Variants in EIF4G3 observed in about 807,000 individuals in gnomAD.
The protein encoded by EIF4G3 is eIF-4-gamma 3.
Under a neutral mutation model 186.4 loss-of-function variants are expected in EIF4G3, and 34 were observed. That is an observed-to-expected ratio of 0.18 (90% CI 0.14 to 0.24). The LOEUF (loss-of-function observed/expected upper bound fraction) is 0.24. Among genes scored for constraint, EIF4G3 ranks in the 10% least tolerant of loss-of-function variants. The probability of loss-of-function intolerance (pLI) is 1.00; values close to 1 mark genes in which losing one functional copy is unlikely to be tolerated. For synonymous variants in EIF4G3, 673 were observed against 679.5 expected (o/e 0.99, Z 0.15); for missense variants, 1,536 against 1,948.5 (o/e 0.79, Z 3.99).
At chr1:20,885,515 T>A (rs752320508) in intron 19 of EIF4G3, among the ~76,000 whole-genome samples, 33 of 152,184 alleles carry the variant, frequency 2.2e-4, no homozygotes, top group Non-Finnish European at 4.4e-4. Context: ...AAAGTTAGTA[T>A]GTGATCTGTG....
At position 20,941,660 on chromosome 1, in the gene EIF4G3, C is replaced by T. The variant is rs766510132; in HGVS notation, c.1494G>A (p.Pro498=). The change falls in exon 14 of 37, where the codon CCG becomes CCA. Residue 498 remains proline (P), a synonymous_variant. Coordinates refer to ENST00000602326, the MANE Select transcript of EIF4G3 (RefSeq NM_001391906.1). ...CTCTCTGGACTGTGATGGCAGCACT[C>T]GGAGAACTAACAGTAGTGGCAGCAG... ...VPAAATTVSS[P]SAAITVQRVL... is the part of the protein sequence containing the mutation. 22 of 1,613,718 alleles carry T rather than the reference C, an allele frequency of 1.4e-5. No homozygotes were observed. The African/African-American group carries it at 1.5e-4, about 11-fold the overall frequency.
In EIF4G3 at chr1:20,973,082, T is replaced by A; in HGVS notation, c.511A>T (p.Ser171Cys). 6.2e-7 allele frequency: 1 copy of A among 1,610,146 alleles called. No individual in the cohort carries two copies. Among genetic ancestry groups the A allele is most frequent in the Non-Finnish European group, 8.5e-7 (1 of 1,179,000 alleles). The change falls in exon 11 of 37, where the codon AGT becomes TGT. Residue 171 changes from serine (S) to cysteine (C), a missense_variant. Around this residue, in one of 11 missense-constraint regions of EIF4G3, gnomAD observed 194 missense variants for 212.8 expected, o/e 0.91. Transcript: ENST00000602326. Reference protein sequence around the residue: ...PNAYGTPFYPSQPVYQSAPII... With the variant: ...PNAYGTPFYPCQPVYQSAPII... ...GGTGCTGACTGATACACCGGCTGAC[T>A]TGGGTAAAAAGGCGTTCCTAAAAAG...
chr1:20,938,706 T>TA (rs1386446495), intron 14 of EIF4G3, among the ~76,000 whole-genome samples: 1 of 152,224 alleles, frequency 6.6e-6, no homozygotes, highest in African/African-American at 2.4e-5. Flanking sequence ...TGGATATACT[T>TA]AAAGACTGGA....
chr1:21,167,872 A>G (rs899376860), intron 2 of EIF4G3: 5 of 279,104 alleles, frequency 1.8e-5, no homozygotes, highest in Non-Finnish European at 3.0e-5. Flanking sequence ...ATTGTATGGG[A>G]AAAAAACTTG....
intron 29 of EIF4G3, among the ~76,000 whole-genome samples, chr1:20,847,454 T>C (rs1193579573): frequency 6.6e-6 from 1 of 152,152 alleles, no homozygotes; most frequent in African/African-American, 2.4e-5. Flanking sequence ...GTTACTAAGG[T>C]CTTTTACTCC....
intron 3 of EIF4G3, among the ~76,000 whole-genome samples, chr1:21,066,938 C>T (rs1284300766): frequency 2.0e-5 from 3 of 152,076 alleles, no homozygotes; most frequent in African/African-American, 4.8e-5. Flanking sequence ...TCCCACAGTT[C>T]AAAGAAACAC....
At chr1:21,168,976 G>A (rs1034330998) in intron 2 of EIF4G3, among the ~76,000 whole-genome samples, 2 of 152,004 alleles carry the variant, frequency 1.3e-5, no homozygotes, top group African/African-American at 4.8e-5. Flanking sequence ...CCAAGAGTTC[G>A]AGACCAGCCT....
In EIF4G3 at chr1:20,949,955, T is replaced by TA. The variant is rs764732511; in HGVS notation, c.823+47dup. 16 of 1,486,806 alleles carry TA rather than the reference T, an allele frequency of 1.1e-5. No individual in the cohort carries two copies. In the African/African-American group the frequency reaches 1.8e-4, roughly 17 times the overall value. 92.1% of individuals were successfully genotyped at this position (1,486,806 alleles called of 1,614,324 possible). A position where few individuals can be genotyped will look rare whatever the true frequency, so the allele number is the denominator to read the frequency against. On this transcript the variant is annotated intron_variant, in intron 13 of 36. Transcript: ENST00000602326. Reference sequence around the variant, plus strand: ...TGAATGCTGACGGCAATGTAATTAATAAAAAAGAGACTAAAGATAAGAGGG... The same window carrying TA: ...TGAATGCTGACGGCAATGTAATTAATAAAAAAAGAGACTAAAGATAAGAGGG...
rs150287963 is a variant in EIF4G3 at position 21,147,034 on chromosome 1, G to A, written c.-272+29141C>T. Among the ~76,000 whole-genome samples, 921 of 151,962 alleles carry A rather than the reference G, an allele frequency of 6.1e-3. 13 individuals are homozygous for A. The highest frequency in any genetic ancestry group is 0.024 in the East Asian group (123 of 5,098). On this transcript the variant is annotated intron_variant, in intron 2 of 36. Transcript: ENST00000602326. Reference sequence around the variant, plus strand: ...CCCCAGCACTTTGGGAGGCTGAGGCGGGCAGATCACGAGGTCAGGAGTTCA... The same window carrying A: ...CCCCAGCACTTTGGGAGGCTGAGGCAGGCAGATCACGAGGTCAGGAGTTCA...
In EIF4G3 at chr1:20,840,991, C is replaced by T; in HGVS notation, c.3926G>A (p.Gly1309Asp). 6.2e-7 allele frequency: 1 copy of T among 1,614,128 alleles called. No individual in the cohort carries two copies. Residue 1309 changes from glycine to aspartate, a missense_variant, in exon 30 of 37, where the codon GGC becomes GAC. This residue lies in a region of EIF4G3 where 395 missense variants were observed against 498.9 expected (regional missense o/e 0.79). Coordinates refer to ENST00000602326, the MANE Select transcript of EIF4G3 (RefSeq NM_001391906.1). Reference protein sequence around the residue: ...MQCVEELNAQGLLHVFVRVGV... With the variant: ...MQCVEELNAQDLLHVFVRVGV... ...CACTCTCACAAAAACATGTAGTAGG[C>T]CCTGGGCATTCAGCTCTTCCACACA... is the stretch of plus-strand genomic sequence containing the variant.
At chr1:20,827,749 C>A in intron 31 of EIF4G3, 51 bp from the exon 32 acceptor site, 1 of 1,304,348 alleles carries the variant, frequency 7.7e-7, no homozygotes, top group Non-Finnish European at 1.1e-6. Context: ...ATCCTTTCTT[C>A]TAGAACAAGA....
chr1:21,129,175 C>T (rs1193491341), intron 2 of EIF4G3, among the ~76,000 whole-genome samples: 3 of 151,788 alleles, frequency 2.0e-5, no homozygotes, highest in Admixed American at 2.0e-4. Flanking sequence ...ATTAGCCAGG[C>T]GTGGTGGCGG....
At chr1:20,821,319 T>C (rs911988145) in intron 33 of EIF4G3, among the ~76,000 whole-genome samples, 10 of 152,230 alleles carry the variant, frequency 6.6e-5, no homozygotes, top group African/African-American at 2.2e-4. Context: ...AGAAATGGTG[T>C]GATGCCAGTT....
At chr1:21,138,705 G>A (rs1292278349) in intron 2 of EIF4G3, among the ~76,000 whole-genome samples, 1 of 152,048 alleles carries the variant, frequency 6.6e-6, no homozygotes, top group Non-Finnish European at 1.5e-5. Flanking sequence ...CAGCTACTCA[G>A]GTGGCTGAGG....
At chr1:21,024,845 C>G (rs917331944) in intron 4 of EIF4G3, among the ~76,000 whole-genome samples, 6 of 149,314 alleles carry the variant, frequency 4.0e-5, no homozygotes, top group Admixed American at 1.3e-4. Context: ...TCCCATGACC[C>G]TGCCAAATCC....
intron 14 of EIF4G3, among the ~76,000 whole-genome samples, chr1:20,920,547 T>C (rs2094407768): frequency 6.6e-6 from 1 of 152,176 alleles, no homozygotes; most frequent in Non-Finnish European, 1.5e-5. Flanking sequence ...TGATTCCTAC[T>C]GCCAAGAACA....
At chr1:20,865,348 T>C in intron 20 of EIF4G3, 86 bp from the exon 21 acceptor site, 2 of 1,462,094 alleles carry the variant, frequency 1.4e-6, no homozygotes, top group South Asian at 1.3e-5. Flanking sequence ...TATGAAATAA[T>C]GCTGACTGAA....
At chr1:21,033,024 A>G (rs1571374091) in intron 4 of EIF4G3, among the ~76,000 whole-genome samples, 3 of 152,334 alleles carry the variant, frequency 2.0e-5, no homozygotes, top group Admixed American at 2.0e-4. Context: ...CATGTGCTCT[A>G]ATATTTGCTT....
At chr1:20,817,597 C>T in intron 33 of EIF4G3, 59 bp from the exon 34 acceptor site, 1 of 1,149,550 alleles carries the variant, frequency 8.7e-7, no homozygotes, top group Non-Finnish European at 1.1e-6. Flanking sequence ...TTATTGTCAT[C>T]CTGAGAGAAG....
Sources: allele counts gnomAD v4.1 joint callset (sites outside exome capture counted in the v4.1 genomes callset), GRCh38; gene constraint gnomAD v4.1.1; regional missense constraint gnomAD v4.1.1; transcripts MANE v1.5; gene names NCBI Gene and HGNC (gene_info 2026-07-23, HGNC 2026-07-21).